MAP2: variants seen among roughly 807,000 people sequenced by gnomAD.
MAP2 encodes microtubule-associated protein 2.
Under a neutral mutation model 137.6 loss-of-function variants are expected in MAP2, and 14 were observed. The observed-to-expected ratio is 0.10, with a 90% CI of 0.07 to 0.16. The LOEUF (loss-of-function observed/expected upper bound fraction) is 0.16. Ranked by LOEUF, MAP2 falls within the 10% of genes least tolerant of loss-of-function variation. The pLI, the probability that MAP2 is intolerant of heterozygous loss-of-function variation, is 1.00. For synonymous variants in MAP2, 786 were observed against 782.3 expected (o/e 1.00, Z -0.08); for missense variants, 2,088 against 2,191.5 (o/e 0.95, Z 0.94).
At chr2:209,677,030 T>C (rs1005881933) in intron 5 of MAP2, among the ~76,000 whole-genome samples, 1 of 151,576 alleles carries the variant, frequency 6.6e-6, no homozygotes, top group Non-Finnish European at 1.5e-5. Flanking sequence ...CTCTTTCCCA[T>C]TTAAAAAAAC....
chr2:209,491,543 G>C (rs1471988734), intron 1 of MAP2, among the ~76,000 whole-genome samples: 1 of 151,952 alleles, frequency 6.6e-6, no homozygotes, highest in African/African-American at 2.4e-5. Context: ...AAAATACATA[G>C]ACCACTAGCC....
chr2:209,548,921 T>G (rs1217493181), intron 2 of MAP2, among the ~76,000 whole-genome samples: 8 of 152,192 alleles, frequency 5.3e-5, no homozygotes, highest in Admixed American at 2.0e-4. Context: ...ATTAAACCTC[T>G]TTCCTTTCTA....
chr2:209,468,472 C>T (rs984729934), intron 1 of MAP2, among the ~76,000 whole-genome samples: 1 of 151,708 alleles, frequency 6.6e-6, no homozygotes, highest in Non-Finnish European at 1.5e-5. Context: ...AGGCGCCCAC[C>T]ACCACGCCCG....
At chr2:209,728,889 G>C (rs1471078840) in intron 14 of MAP2, among the ~76,000 whole-genome samples, 1 of 152,178 alleles carries the variant, frequency 6.6e-6, no homozygotes, top group Non-Finnish European at 1.5e-5. Context: ...TCAAAACCAA[G>C]TTGCTGTTAA....
intron 7 of MAP2, 26 bp from the exon 8 acceptor site, chr2:209,692,599 T>C: frequency 6.5e-7 from 1 of 1,530,478 alleles, no homozygotes; most frequent in South Asian, 1.3e-5. Context: ...CTATTATTTG[T>C]TTAAAAATCA....
At chr2:209,587,142 G>A (rs985250626) in intron 3 of MAP2, among the ~76,000 whole-genome samples, 2 of 151,982 alleles carry the variant, frequency 1.3e-5, no homozygotes, top group East Asian at 3.9e-4. Context: ...TCTATTTCCT[G>A]CCTCATGATT....
chr2:209,581,503 T>A (rs941783033), intron 3 of MAP2, among the ~76,000 whole-genome samples: 4 of 152,184 alleles, frequency 2.6e-5, no homozygotes, highest in Middle Eastern at 3.2e-3. Context: ...CCAAACAGGA[T>A]TATTTCACCT....
At chr2:209,565,383 A>AT (rs534830558) in intron 2 of MAP2, among the ~76,000 whole-genome samples, 77 of 149,886 alleles carry the variant, frequency 5.1e-4, no homozygotes, top group Middle Eastern at 3.4e-3. Flanking sequence ...ATGCCAGCTA[A>AT]TTTTTTTTTT....
chr2:209,512,596 C>T (rs963226194), intron 2 of MAP2, among the ~76,000 whole-genome samples: 2 of 99,126 alleles, frequency 2.0e-5, no homozygotes, highest in African/African-American at 7.0e-5. Context: ...CACACACACA[C>T]ACACAAACAC....
chr2:209,701,624 A>G (rs2061785483), intron 11 of MAP2, among the ~76,000 whole-genome samples: 1 of 152,054 alleles, frequency 6.6e-6, no homozygotes, highest in South Asian at 2.1e-4. Context: ...TTTATTATGA[A>G]AAGTAGTGAG....
At position 209,653,227 on chromosome 2, in the gene MAP2, A is replaced by C. The variant is rs762915639; in HGVS notation, c.57A>C (p.Leu19=). The C allele has an allele frequency of 2.5e-6, 4 of 1,614,054 alleles. No individual in the cohort carries two copies. The South Asian group carries it at 4.4e-5, about 18-fold the overall frequency. Residue 19 remains leucine, a synonymous_variant, in exon 5 of 16, where the codon CTA becomes CTC. Transcript: ENST00000682079. Reference sequence around the variant, plus strand: ...CACCTCACTGGACCTCAGCACCGCTAACAGAGGCATCTGCACACTCACATC... The same window carrying C: ...CACCTCACTGGACCTCAGCACCGCTCACAGAGGCATCTGCACACTCACATC... The part of the protein sequence containing the change: ...AKAPHWTSAP[L]TEASAHSHPP...
rs772258404 is a variant in MAP2 at position 209,702,716 on chromosome 2, T to C, written c.4584+2378T>C. On this transcript the variant is annotated intron_variant, in intron 11 of 15. Coordinates refer to ENST00000682079, the MANE Select transcript of MAP2 (RefSeq NM_001375505.1). Reference sequence around the variant, plus strand: ...TCTCTTCTATATCACGCTTTTGAAATTCACTCTTTTGTGGGTAGGATCAAT... The same window carrying C: ...TCTCTTCTATATCACGCTTTTGAAACTCACTCTTTTGTGGGTAGGATCAAT... 3.7e-4 allele frequency among the ~76,000 whole-genome samples: 56 copies of C among 151,994 alleles called. 1 individual carries two copies. Among genetic ancestry groups the C allele is most frequent in the Admixed American group, 3.9e-4 (6 of 15,232 alleles).
In MAP2 at chr2:209,697,016, C is replaced by T; in HGVS notation, c.4487C>T (p.Pro1496Leu). Residue 1496 changes from proline (P) to leucine (L), a missense_variant, in exon 10 of 16, where the codon CCA (proline) becomes CTA (leucine). Physicochemically the swap from Pro to Leu is moderately conservative, Grantham distance 98 (BLOSUM62 -3). Coordinates refer to ENST00000682079, the MANE Select transcript of MAP2 (RefSeq NM_001375505.1). The stretch of plus-strand genomic sequence containing the variant: ...AAACCTGCTATCAAATATACTAGAC[C>T]AACTCATCTCTCCTGTGTTAAGCGG... Reference protein sequence around the residue: ...ILKPAIKYTRPTHLSCVKRKT... With the variant: ...ILKPAIKYTRLTHLSCVKRKT... 6.2e-7 allele frequency: 1 copy of T among 1,612,730 alleles called. No homozygotes were observed.
chr2:209,447,838 A>G lies in MAP2; in HGVS notation c.-222+23562A>G, dbSNP rs35664672. ...CCATGCCCTAGCTAAAAGAGACACA[A>G]CAAGGACTGCAAAGTTCAGTAGAGG... On this transcript the variant is annotated intron_variant, in intron 1 of 15. Transcript: ENST00000682079. 8.3e-4 allele frequency among the ~76,000 whole-genome samples: 126 copies of G among 152,088 alleles called. No individual in the cohort carries two copies. In the South Asian group the frequency reaches 8.9e-3, roughly 11 times the overall value.
chr2:209,501,395 C>T (rs1011036432), intron 1 of MAP2, among the ~76,000 whole-genome samples: 5 of 152,140 alleles, frequency 3.3e-5, no homozygotes, highest in African/African-American at 1.2e-4. Flanking sequence ...ATAATGTTAT[C>T]TGACCATCAC....
At chr2:209,677,431 C>T (rs1474766071) in intron 5 of MAP2, among the ~76,000 whole-genome samples, 1 of 151,552 alleles carries the variant, frequency 6.6e-6, no homozygotes, top group African/African-American at 2.4e-5. Context: ...GACAGACAGA[C>T]AGACAGACAG....
At chr2:209,557,420 T>C (rs2070946415) in intron 2 of MAP2, among the ~76,000 whole-genome samples, 1 of 152,160 alleles carries the variant, frequency 6.6e-6, no homozygotes, top group Non-Finnish European at 1.5e-5. Context: ...AAAATGTGGT[T>C]TTTTTTCCCT....
chr2:209,532,643 C>T (rs963295771), intron 2 of MAP2, among the ~76,000 whole-genome samples: 1 of 152,084 alleles, frequency 6.6e-6, no homozygotes, highest in Admixed American at 6.6e-5. Context: ...TGGAACTGGC[C>T]GTGTTTCGAT....
At chr2:209,428,381 C>CT (rs58943929) in intron 1 of MAP2, among the ~76,000 whole-genome samples, 17,616 of 130,852 alleles carry the variant, frequency 0.13, 1,222 homozygotes, top group African/African-American at 0.21. Context: ...GGGCAAATTT[C>CT]TTTTTTTTTT....
Sources: gnomAD v4.1 joint callset for allele counts (sites outside exome capture counted in the v4.1 genomes callset) on GRCh38, gnomAD v4.1.1 for gene constraint, MANE v1.5 for transcripts, NCBI Gene and HGNC (gene_info 2026-07-23, HGNC 2026-07-21) for gene names.